Variants in TTC21B observed in about 807,000 individuals in gnomAD.
The protein encoded by TTC21B is tetratricopeptide repeat protein 21B.
Under a neutral mutation model 175.1 loss-of-function variants are expected in TTC21B, and 127 were observed. The observed-to-expected ratio is 0.73, with a 90% CI of 0.63 to 0.84. TTC21B has a LOEUF of 0.84. Ranked by LOEUF, TTC21B falls within the 40% of genes least tolerant of loss-of-function variation. TTC21B has a pLI of 0.00. For synonymous variants in TTC21B, 524 were observed against 524.5 expected (o/e 1.00, Z 0.01); for missense variants, 1,561 against 1,558.3 (o/e 1.00, Z -0.03).
intron 1 of TTC21B, among the ~76,000 whole-genome samples, chr2:165,953,466 G>T (rs1487326966): frequency 2.0e-5 from 3 of 152,208 alleles, no homozygotes; most frequent in African/African-American, 7.2e-5. Context: ...AACACCGAGC[G>T]GGCGGGCTGC....
At chr2:165,877,830 C>T (rs74892889) in intron 27 of TTC21B, among the ~76,000 whole-genome samples, 4,037 of 152,096 alleles carry the variant, frequency 0.027, 65 homozygotes, top group Non-Finnish European at 0.04. Context: ...AGATTTTAGA[C>T]AAAAATAAGA....
intron 1 of TTC21B, among the ~76,000 whole-genome samples, chr2:165,950,588 A>C (rs1687730868): frequency 6.6e-6 from 1 of 152,154 alleles, no homozygotes; most frequent in Non-Finnish European, 1.5e-5. Flanking sequence ...GACAGGATTG[A>C]AATCTAAGGG....
chr2:165,915,107 T>C (rs1686114468), intron 15 of TTC21B, 94 bp downstream of exon 15: 7 of 998,390 alleles, frequency 7.0e-6, no homozygotes, highest in Non-Finnish European at 9.6e-6. Flanking sequence ...TGTAAAGTAT[T>C]TGTGAAGCAG....
chr2:165,875,515 C>T (rs1347689844), intron 28 of TTC21B, among the ~76,000 whole-genome samples: 1 of 151,972 alleles, frequency 6.6e-6, no homozygotes, highest in Non-Finnish European at 1.5e-5. Flanking sequence ...TATGGAATAT[C>T]AATGGGACAA....
intron 18 of TTC21B, among the ~76,000 whole-genome samples, chr2:165,909,326 G>T (rs77282007): frequency 0.012 from 1,901 of 152,108 alleles, 17 homozygotes; most frequent in Non-Finnish European, 0.015. Flanking sequence ...GTTAGGATTA[G>T]GGAAGGTCTT....
At chr2:165,907,553 T>G (rs1478685403) in intron 19 of TTC21B, 125 bp downstream of exon 19, 2 of 690,626 alleles carry the variant, frequency 2.9e-6, no homozygotes, top group African/African-American at 3.5e-5. Context: ...CAATAAGTAT[T>G]TTGATTTTGA....
chr2:165,925,816 C>T (rs969218052), intron 11 of TTC21B, among the ~76,000 whole-genome samples: 13 of 152,016 alleles, frequency 8.6e-5, no homozygotes, highest in South Asian at 8.3e-4. Flanking sequence ...CTTCTTTGCA[C>T]GGTAATAGAT....
intron 6 of TTC21B, 87 bp downstream of exon 6, chr2:165,940,940 C>G (rs7592392): frequency 2.0e-6 from 3 of 1,464,880 alleles, no homozygotes; most frequent in Non-Finnish European, 2.8e-6. Context: ...AATTTAAAAA[C>G]CCTTATGAAA....
At chr2:165,894,162 G>A (rs987054616) in intron 22 of TTC21B, among the ~76,000 whole-genome samples, 1 of 152,086 alleles carries the variant, frequency 6.6e-6, no homozygotes, top group African/African-American at 2.4e-5. Flanking sequence ...GACTGGATGT[G>A]TTAGCTAGCT....
chr2:165,929,318 A>G lies in TTC21B; in HGVS notation c.1203T>C (p.His401=), dbSNP rs1686796996. ...IGKSAELIYL[H]AVLAMKKNKR... Reference sequence around the variant, plus strand: ...TATTTTTCTTCATGGCAAGAACTGCATGTAAATAGATTAATTCCTAGAAAA... The same window carrying G: ...TATTTTTCTTCATGGCAAGAACTGCGTGTAAATAGATTAATTCCTAGAAAA... The change falls in exon 11 of 29, where the codon CAT becomes CAC. Residue 401 remains histidine (H), a synonymous_variant. Transcript: ENST00000243344. The G allele has an allele frequency of 6.2e-7, 1 of 1,607,008 alleles. No individual in the cohort carries two copies. The highest frequency in any genetic ancestry group is 8.5e-7 in the Non-Finnish European group (1 of 1,174,798).
At position 165,949,609 on chromosome 2, in the gene TTC21B, C is replaced by T; in HGVS notation, c.137G>A (p.Gly46Asp). 6.2e-7 allele frequency: 1 copy of T among 1,613,724 alleles called. No individual in the cohort carries two copies. The highest frequency in any genetic ancestry group is 8.5e-7 in the Non-Finnish European group (1 of 1,179,866). Residue 46 changes from glycine to aspartate, a missense_variant, in exon 2 of 29, where the codon GGC (glycine) becomes GAC (aspartate). By Grantham distance (94) the Gly-to-Asp change is moderately conservative (BLOSUM62 -1). Transcript: ENST00000243344. Reference sequence around the variant, plus strand: ...TTAACACGTACCTTCCATTAATGTGCCATAGGCATGATAAAACCTGAAGAC... The same window carrying T: ...TTAACACGTACCTTCCATTAATGTGTCATAGGCATGATAAAACCTGAAGAC... ...DPVFRFYHAY[G>D]TLMEGKTQEA...
intron 27 of TTC21B, among the ~76,000 whole-genome samples, chr2:165,878,987 C>G (rs1684759203): frequency 6.6e-6 from 1 of 152,002 alleles, no homozygotes; most frequent in African/African-American, 2.4e-5. Flanking sequence ...TGGCCATGAG[C>G]ATGATTTTAA....
chr2:165,934,293 C>A (rs1431998372), intron 6 of TTC21B, among the ~76,000 whole-genome samples: 1 of 151,072 alleles, frequency 6.6e-6, no homozygotes, highest in Non-Finnish European at 1.5e-5. Context: ...AAAAAAAGAG[C>A]CAACAAAACT....
chr2:165,949,324 G>T, intron 3 of TTC21B, 70 bp downstream of exon 3: 4 of 1,112,436 alleles, frequency 3.6e-6, no homozygotes, highest in Non-Finnish European at 4.1e-6. Context: ...TGAATGACTT[G>T]GTAACTGAGA....
At chr2:165,921,559 C>A (rs1245914262) in intron 12 of TTC21B, among the ~76,000 whole-genome samples, 1 of 152,076 alleles carries the variant, frequency 6.6e-6, no homozygotes, top group Non-Finnish European at 1.5e-5. Context: ...AACTGAGGGA[C>A]CTCCAAATTT....
At chr2:165,912,002 G>A (rs1685968878) in intron 17 of TTC21B, among the ~76,000 whole-genome samples, 1 of 152,016 alleles carries the variant, frequency 6.6e-6, no homozygotes, top group Non-Finnish European at 1.5e-5. Context: ...GATAAAGAAC[G>A]GTACTTGGCA....
chr2:165,952,587 A>G (rs1211997600), intron 1 of TTC21B, among the ~76,000 whole-genome samples: 1 of 152,210 alleles, frequency 6.6e-6, no homozygotes, highest in Non-Finnish European at 1.5e-5. Flanking sequence ...TTTACATTTT[A>G]CATTAAAGTG....
intron 27 of TTC21B, among the ~76,000 whole-genome samples, chr2:165,876,505 A>G (rs930881527): frequency 3.3e-5 from 5 of 152,240 alleles, no homozygotes; most frequent in African/African-American, 4.8e-5. Flanking sequence ...TGTGGTTTCT[A>G]TAACTTACTA....
chr2:165,893,037 A>G (rs1408989088), intron 22 of TTC21B, among the ~76,000 whole-genome samples: 3 of 152,210 alleles, frequency 2.0e-5, no homozygotes, highest in Non-Finnish European at 2.9e-5. Context: ...ACCTTTTAGC[A>G]TCACTAAAAA....
Sources: gnomAD v4.1 joint callset for allele counts (sites outside exome capture counted in the v4.1 genomes callset) on GRCh38, gnomAD v4.1.1 for gene constraint, MANE v1.5 for transcripts, NCBI Gene and HGNC (gene_info 2026-07-23, HGNC 2026-07-21) for gene names.